The following HRH1 variants were observed in gnomAD, a reference collection of about 807,000 sequenced individuals.
HRH1 encodes the protein histamine H1 receptor.
HRH1 carries 6 observed loss-of-function variants against 10.3 expected under a neutral mutation model. The ratio of observed to expected loss-of-function variants is 0.58; its 90% CI spans 0.32 to 1.15. The LOEUF (loss-of-function observed/expected upper bound fraction) is 1.15, where lower values mean the gene tolerates loss of function less well. Among genes scored for constraint, HRH1 ranks in the 50% most tolerant of loss-of-function variants. HRH1 has a pLI of 0.05. For synonymous variants in HRH1, 242 were observed against 236.7 expected (o/e 1.02, Z -0.21); for missense variants, 514 against 615.3 (o/e 0.84, Z 1.74).
intron 1 of HRH1, among the ~76,000 whole-genome samples, chr3:11,245,683 A>G: frequency 6.6e-6 from 1 of 152,208 alleles, no homozygotes; most frequent in East Asian, 1.9e-4. Context: ...TAATGGTTTC[A>G]GAATGGAGTC....
chr3:11,224,448 A>G (rs1938815021), intron 1 of HRH1, among the ~76,000 whole-genome samples: 1 of 152,246 alleles, frequency 6.6e-6, no homozygotes, highest in African/African-American at 2.4e-5. Flanking sequence ...CTGTAATCCC[A>G]GCACTTTGGG....
chr3:11,256,380 G>GT (rs1259356857), intron 1 of HRH1, among the ~76,000 whole-genome samples: 2 of 152,170 alleles, frequency 1.3e-5, no homozygotes, highest in African/African-American at 4.8e-5. Context: ...AAAATAAATG[G>GT]TAGAGCTTGG....
At chr3:11,257,065 C>T (rs1575047226) in intron 1 of HRH1, among the ~76,000 whole-genome samples, 1 of 149,618 alleles carries the variant, frequency 6.7e-6, no homozygotes, top group Admixed American at 6.7e-5. Flanking sequence ...TCAGCCTGAC[C>T]AACATGGTGA....
intron 1 of HRH1, among the ~76,000 whole-genome samples, chr3:11,234,964 C>T (rs1383751003): frequency 6.6e-6 from 1 of 151,952 alleles, no homozygotes. Flanking sequence ...GCCTGTAATC[C>T]CAGCACTTTG....
intron 1 of HRH1, among the ~76,000 whole-genome samples, chr3:11,221,032 G>T (rs1307359181): frequency 1.3e-5 from 2 of 152,086 alleles, no homozygotes; most frequent in Non-Finnish European, 2.9e-5. Context: ...CAAAGTATCT[G>T]GGCGTGGGAA....
At chr3:11,187,732 CCA>C (rs1368057023) in intron 1 of HRH1, among the ~76,000 whole-genome samples, 1 of 152,136 alleles carries the variant, frequency 6.6e-6, no homozygotes, top group Non-Finnish European at 1.5e-5. Flanking sequence ...ACCCTCAATC[CCA>C]ACTCCTACGA....
At chr3:11,209,222 G>C (rs1275799323) in intron 1 of HRH1, among the ~76,000 whole-genome samples, 1 of 152,152 alleles carries the variant, frequency 6.6e-6, no homozygotes, top group East Asian at 1.9e-4. Context: ...CTCCCAAGTA[G>C]TGGGGACTAC....
rs112876180 is a variant in HRH1, at chr3:11,242,543, A to C, written c.-35-16460A>C. ...ACTCACTGCAAAGGTCTGCGTCGCC[A>C]TTCTTGAAGTCAGCGACACCAGGAA... On this transcript the variant is annotated intron_variant, in intron 1 of 1. Coordinates refer to ENST00000431010, the MANE Select transcript of HRH1 (RefSeq NM_001098212.2). Among the ~76,000 whole-genome samples the C allele has an allele frequency of 9.4e-3, 1,354 of 143,374 alleles. 94 individuals carry two copies. The highest frequency in any genetic ancestry group is 0.034 in the African/African-American group (1,230 of 36,064). 94.1% of individuals were successfully genotyped at this position (143,374 alleles called of 152,430 possible). A position where few individuals can be genotyped will look rare whatever the true frequency, so the allele number is the denominator to read the frequency against.
At chr3:11,257,305 C>T (rs1939807156) in intron 1 of HRH1, among the ~76,000 whole-genome samples, 1 of 150,088 alleles carries the variant, frequency 6.7e-6, no homozygotes, top group Admixed American at 6.7e-5. Flanking sequence ...CCTGTAATCC[C>T]AGCACTTTGG....
intron 1 of HRH1, among the ~76,000 whole-genome samples, chr3:11,175,471 T>C (rs66853267): frequency 0.15 from 23,073 of 152,070 alleles, 3,320 homozygotes; most frequent in African/African-American, 0.38. Flanking sequence ...CAGTGTCCCT[T>C]TTATAACAAA....
intron 1 of HRH1, among the ~76,000 whole-genome samples, chr3:11,192,698 T>A (rs534864082): frequency 5.3e-5 from 8 of 152,164 alleles, no homozygotes; most frequent in Admixed American, 5.2e-4. Flanking sequence ...CTGGGCAACA[T>A]AGCAAGACCC....
At chr3:11,224,222 C>A (rs1938805961) in intron 1 of HRH1, among the ~76,000 whole-genome samples, 2 of 152,194 alleles carry the variant, frequency 1.3e-5, no homozygotes, top group African/African-American at 4.8e-5. Flanking sequence ...TCCCATGGAT[C>A]TTCCAGCCAA....
rs1201311841 is a variant in HRH1, at chr3:11,145,324, C to T, written c.-36+7925C>T. On this transcript the variant is annotated intron_variant, in intron 1 of 1. Coordinates refer to the HRH1 transcript ENST00000438284. ...CTTCTCTTGGGATGCTGTGAGTGCCCTTGCATGCTGTTTCCTTGAGCCTGG... is the reference window on the plus strand; with the variant it reads ...CTTCTCTTGGGATGCTGTGAGTGCCTTTGCATGCTGTTTCCTTGAGCCTGG... 2.0e-5 allele frequency among the ~76,000 whole-genome samples: 3 copies of T among 152,130 alleles called. No individual in the cohort carries two copies. The East Asian group carries it at 5.8e-4, about 29-fold the overall frequency.
intron 1 of HRH1, among the ~76,000 whole-genome samples, chr3:11,195,289 G>T (rs1257624091): frequency 6.6e-6 from 1 of 152,200 alleles, no homozygotes; most frequent in East Asian, 1.9e-4. Context: ...CTTTTGAAAA[G>T]ATTCAGTTTC....
At chr3:11,229,419 A>G (rs755084046) in intron 1 of HRH1, among the ~76,000 whole-genome samples, 1 of 152,210 alleles carries the variant, frequency 6.6e-6, no homozygotes, top group Non-Finnish European at 1.5e-5. Context: ...CTTTTCCTTC[A>G]AGGCATTTAG....
intron 1 of HRH1, among the ~76,000 whole-genome samples, chr3:11,147,876 C>G (rs1256352636): frequency 6.6e-6 from 1 of 152,110 alleles, no homozygotes; most frequent in Non-Finnish European, 1.5e-5. Flanking sequence ...CCTGCCTGGT[C>G]CACTCTGTTT....
chr3:11,224,973 T>C (rs1938835434), intron 1 of HRH1, among the ~76,000 whole-genome samples: 1 of 152,134 alleles, frequency 6.6e-6, no homozygotes, highest in African/African-American at 2.4e-5. Context: ...TCAAAGGCTC[T>C]ACCCAGGCAG....
chr3:11,166,672 C>T (rs1168733234), intron 1 of HRH1, among the ~76,000 whole-genome samples: 1 of 144,634 alleles, frequency 6.9e-6, no homozygotes, highest in South Asian at 2.3e-4. Context: ...TGTCCCCTGG[C>T]TTCTCCAGGC....
chr3:11,258,820 A>T (rs527531006), intron 1 of HRH1, among the ~76,000 whole-genome samples, 183 bp from the exon 2 acceptor site: 2 of 152,310 alleles, frequency 1.3e-5, no homozygotes, highest in East Asian at 3.9e-4. Context: ...AAATTCAATA[A>T]ATAGTTGTTA....
Sources: allele counts gnomAD v4.1 joint callset (sites outside exome capture counted in the v4.1 genomes callset), GRCh38; gene constraint gnomAD v4.1.1; transcripts MANE v1.5; gene names NCBI Gene and HGNC (gene_info 2026-07-23, HGNC 2026-07-21).